Variants in USP50 observed in about 807,000 individuals in gnomAD.
USP50 encodes the protein ubiquitin carboxyl-terminal hydrolase 50.
USP50 carries 37 observed loss-of-function variants against 39.2 expected under a neutral mutation model. The observed-to-expected ratio is 0.94, with a 90% CI of 0.73 to 1.24. The LOEUF is 1.24. Among genes scored for constraint, USP50 ranks in the 50% most tolerant of loss-of-function variants. USP50 has a pLI of 0.00. For missense variants in USP50, 374 were observed against 398.2 expected, an observed-to-expected ratio of 0.94 and a Z score of 0.52; for synonymous variants, 139 against 144.5, an observed-to-expected ratio of 0.96 and a Z score of 0.27.
intron 6 of USP50, chr15:50,508,774 G>C (rs2052697128): frequency 6.6e-6 from 1 of 152,086 alleles, no homozygotes; most frequent in South Asian, 2.1e-4. Flanking sequence ...AAGGCAGATG[G>C]ATCGCCTGAG....
intron 5 of USP50, among the ~76,000 whole-genome samples, chr15:50,532,969 G>C (rs113005808): frequency 6.6e-5 from 10 of 152,252 alleles, no homozygotes; most frequent in Admixed American, 3.9e-4. Context: ...CTCTGAGCTT[G>C]AGGAACCTCA....
chr15:50,542,676 A>G (rs1188172918), intron 3 of USP50, among the ~76,000 whole-genome samples: 1 of 151,562 alleles, frequency 6.6e-6, no homozygotes, highest in East Asian at 1.9e-4. Flanking sequence ...TTTAGTAGAG[A>G]CGGGGTTTCA....
intron 6 of USP50, among the ~76,000 whole-genome samples, chr15:50,520,627 A>G (rs563907487): frequency 6.6e-6 from 1 of 152,034 alleles, no homozygotes; most frequent in Admixed American, 6.6e-5. Context: ...GCCCCCGCCA[A>G]AAAAAAGGAA....
rs374263114 is a variant in USP50, at chr15:50,544,613, G to C, written c.222C>G (p.Thr74=). 6.2e-7 allele frequency: 1 copy of C among 1,613,326 alleles called. No individual in the cohort carries two copies. Among genetic ancestry groups the C allele is most frequent in the African/African-American group, 1.3e-5 (1 of 74,872 alleles). The stretch of plus-strand genomic sequence containing the variant: ...TTTGCAGAGCGGTGATATACTTCCC[G>C]GTGAGAAAGTATTCCACCAGCGGCA... ...SILPLVEYFL[T]GKYITALQND... is the part of the protein sequence containing the mutation. The change falls in exon 2 of 7, where the codon ACC becomes ACG. Residue 74 remains threonine, a synonymous_variant. Transcript: ENST00000532404.
chr15:50,521,842 T>C (rs3131604), intron 6 of USP50, among the ~76,000 whole-genome samples: 46,364 of 151,940 alleles, frequency 0.31, 7,488 homozygotes, highest in East Asian at 0.57. Context: ...CACACACCTG[T>C]AGTTCTAGCT....
intron 1 of USP50, among the ~76,000 whole-genome samples, chr15:50,545,809 T>C (rs577028242): frequency 2.6e-5 from 4 of 152,190 alleles, no homozygotes; most frequent in African/African-American, 9.6e-5. Context: ...TGGGATTCTA[T>C]GTCCGTTTCT....
chr15:50,524,306 A>G (rs1414054983), intron 6 of USP50, among the ~76,000 whole-genome samples: 1 of 152,248 alleles, frequency 6.6e-6, no homozygotes, highest in Non-Finnish European at 1.5e-5. Flanking sequence ...TCTGCACAGC[A>G]AAGGAAACAA....
chr15:50,517,481 A>C (rs1054829581), intron 6 of USP50, among the ~76,000 whole-genome samples: 8 of 152,130 alleles, frequency 5.3e-5, no homozygotes, highest in Non-Finnish European at 8.8e-5. Flanking sequence ...TCAAAAAAAA[A>C]AAAATAAGAG....
chr15:50,520,295 G>A (rs1260610568), intron 6 of USP50, among the ~76,000 whole-genome samples: 1 of 140,422 alleles, frequency 7.1e-6, no homozygotes, highest in East Asian at 2.2e-4. Flanking sequence ...TTGGGCAACA[G>A]AGAGAGACCC....
intron 1 of USP50, among the ~76,000 whole-genome samples, chr15:50,495,232 G>GTATA (rs148202858): frequency 1.2e-5 from 1 of 82,870 alleles, no homozygotes; most frequent in East Asian, 5.9e-4. Context: ...AAATATTTGT[G>GTATA]TATATATATA....
chr15:50,543,997 C>T, intron 2 of USP50: 2 of 570,528 alleles, frequency 3.5e-6, no homozygotes, highest in South Asian at 4.0e-5. Context: ...ACCACTACTT[C>T]ACCCCAGCTT....
rs985528436 is a variant in USP50, at chr15:50,546,504, G to A, written c.22C>T (p.Pro8Ser). 2 of 1,613,686 alleles carry A rather than the reference G, an allele frequency of 1.2e-6. No homozygotes were observed. The highest frequency in any genetic ancestry group is 1.7e-4 in the Middle Eastern group (1 of 6,060). ...TGGTAGATATCGAAGTCATCTGCAGGGAGAGACGGCTGAGAAGTCATTTTA... is the reference window on the plus strand; with the variant it reads ...TGGTAGATATCGAAGTCATCTGCAGAGAGAGACGGCTGAGAAGTCATTTTA... MTSQPSL[P>S]ADDFDIYHVL... Residue 8 changes from proline to serine, a missense_variant, in exon 1 of 7, where the codon CCT becomes TCT. Pro to Ser is a moderately conservative substitution (Grantham distance 74). Transcript: ENST00000532404.
intron 6 of USP50, chr15:50,506,403 AC>A (rs1348290358): frequency 1.3e-5 from 2 of 152,198 alleles, no homozygotes; most frequent in Non-Finnish European, 2.9e-5. Flanking sequence ...ATGAGAATCT[AC>A]TGCCTGATTT....
At chr15:50,542,352 T>C (rs1331098408) in intron 3 of USP50, among the ~76,000 whole-genome samples, 2 of 152,060 alleles carry the variant, frequency 1.3e-5, no homozygotes, top group East Asian at 3.8e-4. Context: ...ACTTTGATCT[T>C]GGGAAACAGA....
intron 6 of USP50, among the ~76,000 whole-genome samples, chr15:50,529,531 G>A (rs1408441614): frequency 6.6e-6 from 1 of 152,060 alleles, no homozygotes; most frequent in Non-Finnish European, 1.5e-5. Context: ...TTCTGCTGCT[G>A]CTGCTTCTAG....
At chr15:50,525,604 AT>A (rs1431867682) in intron 6 of USP50, among the ~76,000 whole-genome samples, 6 of 139,252 alleles carry the variant, frequency 4.3e-5, no homozygotes, top group Admixed American at 7.8e-5. Context: ...ATATATGTAT[AT>A]GTATATATGT....
Position 50,543,735 on chromosome 15 carries a change from C to A in USP50, c.307G>T (p.Asp103Tyr). The change falls in exon 3 of 7, where the codon GAC becomes TAC. Residue 103 changes from aspartate to tyrosine, a missense_variant. Coordinates refer to ENST00000532404, the MANE Select transcript of USP50 (RefSeq NM_203494.5). The part of the protein sequence containing the change: ...AYLMTDMWLG[D>Y]SDCVSPEIFW... ...ATTTCTGGTGAGACACAGTCTGAGT[C>A]TCCCAGCCACATGTCTGTCATCAGA... The A allele has an allele frequency of 6.2e-7, 1 of 1,610,776 alleles. No homozygotes were observed. The highest frequency in any genetic ancestry group is 8.5e-7 in the Non-Finnish European group (1 of 1,178,350).
intron 5 of USP50, among the ~76,000 whole-genome samples, chr15:50,536,048 G>T (rs1016206062): frequency 1.3e-5 from 2 of 152,164 alleles, no homozygotes; most frequent in Non-Finnish European, 2.9e-5. Context: ...GTAACTAGAA[G>T]CTTTCCCACT....
chr15:50,529,688 TA>T, intron 6 of USP50, 108 bp downstream of exon 6: 2 of 1,273,308 alleles, frequency 1.6e-6, no homozygotes, highest in Non-Finnish European at 1.1e-6. Context: ...CTATATTTTT[TA>T]AAAGTAGGGC....
Sources: allele counts gnomAD v4.1 joint callset (sites outside exome capture counted in the v4.1 genomes callset), GRCh38; gene constraint gnomAD v4.1.1; transcripts MANE v1.5; gene names NCBI Gene and HGNC (gene_info 2026-07-23, HGNC 2026-07-21).